Variants in PLCB1 observed in about 807,000 individuals in gnomAD.
PLCB1 encodes the protein 1-phosphatidylinositol 4,5-bisphosphate phosphodiesterase beta-1.
Under a neutral mutation model 161.8 loss-of-function variants are expected in PLCB1, and 46 were observed. The ratio of observed to expected loss-of-function variants is 0.28; its 90% CI spans 0.22 to 0.36. The LOEUF (loss-of-function observed/expected upper bound fraction) is 0.36. Among genes scored for constraint, PLCB1 ranks in the 10% least tolerant of loss-of-function variants. The pLI is 1.00. For synonymous variants in PLCB1, 517 were observed against 503.7 expected, an observed-to-expected ratio of 1.03 and a Z score of -0.35; for missense variants, 1,016 against 1,472.5, an observed-to-expected ratio of 0.69 and a Z score of 5.07.
chr20:8,540,545 A>G (rs1193265799), intron 3 of PLCB1, among the ~76,000 whole-genome samples: 1 of 152,086 alleles, frequency 6.6e-6, no homozygotes, highest in East Asian at 1.9e-4. Flanking sequence ...CCTGAATGGG[A>G]CCTTTCACAC....
intron 11 of PLCB1, among the ~76,000 whole-genome samples, chr20:8,702,074 C>T (rs1315215830): frequency 6.6e-6 from 1 of 152,106 alleles, no homozygotes; most frequent in East Asian, 1.9e-4. Context: ...GTGATAGATC[C>T]CAAAAGCAAG....
Position 8,724,727 on chromosome 20 carries a change from G to A in PLCB1, c.1653G>A (p.Lys551=), listed in dbSNP as rs1172115297. ...TGGTGAACTATATTCAGCCAGTCAA[G>A]TTTGAGTCATTTGAAATTTCAAAAA... ...SNLVNYIQPV[K]FESFEISKKR... is the part of the protein sequence containing the mutation. Residue 551 remains lysine (K), a synonymous_variant, in exon 16 of 32, where the codon AAG becomes AAA. Coordinates refer to ENST00000338037, the MANE Select transcript of PLCB1 (RefSeq NM_015192.4). 5 of 1,609,562 alleles carry A rather than the reference G, an allele frequency of 3.1e-6. No homozygotes were observed. In the South Asian group the frequency reaches 5.5e-5, roughly 18 times the overall value.
chr20:8,205,250 T>G (rs1978464609), intron 2 of PLCB1, among the ~76,000 whole-genome samples: 1 of 152,214 alleles, frequency 6.6e-6, no homozygotes, highest in African/African-American at 2.4e-5. Context: ...TCTGGTCTTC[T>G]CTGGCTTCTA....
rs760290423 is a variant in PLCB1, at chr20:8,500,059, T to C, written c.247-128235T>C. Among the ~76,000 whole-genome samples the C allele has an allele frequency of 3.3e-5, 5 of 152,308 alleles. No individual in the cohort carries two copies. The South Asian group carries it at 8.3e-4, about 25-fold the overall frequency. ...ATTACATATTTTTCTGGTTACATAA[T>C]ATAAGAAATTTACTGAAAGATTATA... is the stretch of plus-strand genomic sequence containing the variant. On this transcript the variant is annotated intron_variant, in intron 3 of 31. Coordinates refer to ENST00000338037, the MANE Select transcript of PLCB1 (RefSeq NM_015192.4).
At chr20:8,450,923 G>A (rs1981047111) in intron 3 of PLCB1, among the ~76,000 whole-genome samples, 1 of 152,174 alleles carries the variant, frequency 6.6e-6, no homozygotes, top group Non-Finnish European at 1.5e-5. Context: ...CTGTTAAGTT[G>A]TAAAAAGTAG....
Position 8,843,004 on chromosome 20 carries a change from A to G in PLCB1, c.3424-38618A>G, listed in dbSNP as rs556856617. On this transcript the variant is annotated intron_variant, in intron 31 of 31. Coordinates refer to ENST00000338037, the MANE Select transcript of PLCB1 (RefSeq NM_015192.4). ...AGTTAAATGATTTGGCAATAACAAC[A>G]GGCCGAAATATAAAAGAGAAAAATT... is the stretch of plus-strand genomic sequence containing the variant. Among the ~76,000 whole-genome samples, 63 of 152,342 alleles carry G rather than the reference A, an allele frequency of 4.1e-4. 1 individual carries two copies. Among genetic ancestry groups the G allele is most frequent in the African/African-American group, 1.4e-3 (60 of 41,574 alleles).
rs570182561 is a variant in PLCB1, at chr20:8,613,379, C to A, written c.247-14915C>A. Among the ~76,000 whole-genome samples the A allele has an allele frequency of 7.3e-4, 111 of 152,266 alleles. 2 individuals carry two copies. The highest frequency in any genetic ancestry group is 2.6e-3 in the African/African-American group (107 of 41,544). On this transcript the variant is annotated intron_variant, in intron 3 of 31. Coordinates refer to ENST00000338037, the MANE Select transcript of PLCB1 (RefSeq NM_015192.4). ...GGGTGATGAGTTTAACAATGGACAA[C>A]ATTTGGGTACTGAACTTCAGGGACA...
At chr20:8,223,507 A>G (rs1979524290) in intron 2 of PLCB1, among the ~76,000 whole-genome samples, 1 of 151,920 alleles carries the variant, frequency 6.6e-6, no homozygotes, top group Non-Finnish European at 1.5e-5. Flanking sequence ...CTTACTACTG[A>G]TTGTAATGTG....
At chr20:8,179,025 G>A (rs562092896) in intron 2 of PLCB1, among the ~76,000 whole-genome samples, 25 of 152,226 alleles carry the variant, frequency 1.6e-4, no homozygotes, top group African/African-American at 5.3e-4. Context: ...TGCTGTTTTC[G>A]TTACTGTATA....
intron 2 of PLCB1, among the ~76,000 whole-genome samples, chr20:8,217,415 G>A (rs1024726055): frequency 1.3e-5 from 2 of 152,106 alleles, no homozygotes; most frequent in Non-Finnish European, 2.9e-5. Flanking sequence ...AAAGAGATGA[G>A]ATGGAGTACC....
At chr20:8,797,385 AT>A (rs200540354) in intron 31 of PLCB1, among the ~76,000 whole-genome samples, 3,954 of 146,042 alleles carry the variant, frequency 0.027, 152 homozygotes, top group African/African-American at 0.094. Flanking sequence ...GGCTTCTGTC[AT>A]TTTTTTTCTT....
chr20:8,745,940 T>TTTG (rs1384393919), intron 23 of PLCB1, among the ~76,000 whole-genome samples: 1 of 152,240 alleles, frequency 6.6e-6, no homozygotes, highest in Non-Finnish European at 1.5e-5. Flanking sequence ...TTTTTGTTTG[T>TTTG]TTGTTTTTTG....
intron 2 of PLCB1, among the ~76,000 whole-genome samples, chr20:8,287,609 G>A (rs1483969680): frequency 6.6e-6 from 1 of 152,174 alleles, no homozygotes; most frequent in Non-Finnish European, 1.5e-5. Context: ...TCTTTACAAG[G>A]TGTAATAATT....
intron 2 of PLCB1, among the ~76,000 whole-genome samples, chr20:8,225,598 T>C (rs1979638314): frequency 6.6e-6 from 1 of 152,378 alleles, no homozygotes; most frequent in Admixed American, 6.5e-5. Context: ...CTTTTTCACC[T>C]TTGGTATTAT....
chr20:8,815,029 A>T (rs1209841154), intron 31 of PLCB1, among the ~76,000 whole-genome samples: 1 of 152,192 alleles, frequency 6.6e-6, no homozygotes, highest in African/African-American at 2.4e-5. Flanking sequence ...AATGTCCATT[A>T]TCTAAAAACC....
intron 2 of PLCB1, among the ~76,000 whole-genome samples, chr20:8,311,869 T>A (rs1052395984): frequency 1.3e-5 from 2 of 152,256 alleles, no homozygotes; most frequent in African/African-American, 4.8e-5. Flanking sequence ...CATATACAGT[T>A]GTGGGCCCAG....
intron 2 of PLCB1, among the ~76,000 whole-genome samples, chr20:8,347,048 A>G (rs1986021661): frequency 6.6e-6 from 1 of 152,216 alleles, no homozygotes; most frequent in Non-Finnish European, 1.5e-5. Flanking sequence ...TATAGAAACT[A>G]TGGAAATAAA....
intron 2 of PLCB1, among the ~76,000 whole-genome samples, chr20:8,292,652 C>T (rs1337855541): frequency 3.3e-5 from 5 of 152,042 alleles, no homozygotes; most frequent in South Asian, 2.1e-4. Context: ...TTTAAAGAAT[C>T]GGTTATGAGA....
chr20:8,837,906 G>A (rs1031949639), intron 31 of PLCB1, among the ~76,000 whole-genome samples: 3 of 152,208 alleles, frequency 2.0e-5, no homozygotes, highest in African/African-American at 2.4e-5. Flanking sequence ...CAATGTGGCC[G>A]TGATTACCAT....
Sources: allele counts gnomAD v4.1 joint callset (sites outside exome capture counted in the v4.1 genomes callset), GRCh38; gene constraint gnomAD v4.1.1; transcripts MANE v1.5; gene names NCBI Gene and HGNC (gene_info 2026-07-23, HGNC 2026-07-21).